The following GALNTL6 variants were observed in gnomAD, a reference collection of about 807,000 sequenced individuals.
The protein encoded by GALNTL6 is polypeptide N-acetylgalactosaminyltransferase-like 6.
In GALNTL6, 46 loss-of-function variants were observed where a neutral mutation model predicts 73.7. The ratio of observed to expected loss-of-function variants is 0.62; its 90% CI spans 0.49 to 0.80. The LOEUF is 0.80. Among genes scored for constraint, GALNTL6 ranks in the 30% least tolerant of loss-of-function variants. The pLI is 0.00. For missense variants in GALNTL6, 604 were observed against 755.0 expected (o/e 0.80, Z 2.34); for synonymous variants, 259 against 263.7 (o/e 0.98, Z 0.17).
chr4:172,393,512 T>G (rs1200842059), intron 5 of GALNTL6, among the ~76,000 whole-genome samples: 1 of 152,220 alleles, frequency 6.6e-6, no homozygotes, highest in Non-Finnish European at 1.5e-5. Flanking sequence ...ACATCACAGG[T>G]GTTCATTAAT....
At chr4:172,612,843 T>C (rs1243802270) in intron 5 of GALNTL6, among the ~76,000 whole-genome samples, 2 of 152,140 alleles carry the variant, frequency 1.3e-5, no homozygotes, top group Admixed American at 6.6e-5. Flanking sequence ...AGCTTCAGCA[T>C]ATTTTGTTTT....
chr4:172,101,321 G>A (rs1317379784), intron 2 of GALNTL6, among the ~76,000 whole-genome samples: 1 of 152,132 alleles, frequency 6.6e-6, no homozygotes, highest in East Asian at 1.9e-4. Context: ...TATAAATTCA[G>A]CTTTTCTCAG....
chr4:172,505,451 C>A (rs1734376561), intron 5 of GALNTL6, among the ~76,000 whole-genome samples: 1 of 55,058 alleles, frequency 1.8e-5, no homozygotes, highest in African/African-American at 4.5e-5. Context: ...AGAAATATTT[C>A]CAGAGATTTC....
chr4:172,495,319 G>A (rs1734035442), intron 5 of GALNTL6, among the ~76,000 whole-genome samples: 2 of 152,150 alleles, frequency 1.3e-5, no homozygotes. Flanking sequence ...TCGCTTGCAG[G>A]GAACTTGGCA....
At chr4:172,515,626 T>C (rs1734578727) in intron 5 of GALNTL6, among the ~76,000 whole-genome samples, 2 of 152,178 alleles carry the variant, frequency 1.3e-5, no homozygotes, top group Non-Finnish European at 2.9e-5. Context: ...GTGATAACAA[T>C]AGAGGCCTCA....
intron 3 of GALNTL6, among the ~76,000 whole-genome samples, chr4:172,270,277 GT>G (rs1255884156): frequency 6.6e-6 from 1 of 151,496 alleles, no homozygotes; most frequent in Non-Finnish European, 1.5e-5. Flanking sequence ...CCAATTGTAT[GT>G]TTTTTTCATT....
At chr4:172,939,627 G>A (rs897949232) in intron 9 of GALNTL6, among the ~76,000 whole-genome samples, 18 of 152,084 alleles carry the variant, frequency 1.2e-4, no homozygotes, top group African/African-American at 4.1e-4. Context: ...AAATAGCATT[G>A]GGCCTTGCCA....
At chr4:172,837,428 G>GA (rs547701893) in intron 7 of GALNTL6, among the ~76,000 whole-genome samples, 2 of 148,034 alleles carry the variant, frequency 1.4e-5, no homozygotes, top group South Asian at 2.1e-4. Flanking sequence ...AAATTCAAAT[G>GA]AAAAAAAAAT....
At chr4:172,219,756 G>A (rs573543487) in intron 2 of GALNTL6, among the ~76,000 whole-genome samples, 1 of 151,792 alleles carries the variant, frequency 6.6e-6, no homozygotes, top group Admixed American at 6.6e-5. Flanking sequence ...TTATCATTTG[G>A]TATTCAAGGA....
chr4:172,300,742 G>A (rs577618587), intron 3 of GALNTL6, among the ~76,000 whole-genome samples: 20 of 152,252 alleles, frequency 1.3e-4, no homozygotes, highest in Non-Finnish European at 2.1e-4. Context: ...GATATCAGCT[G>A]TTAGTCTGAT....
chr4:171,887,098 T>TA (rs1736627624), intron 2 of GALNTL6, among the ~76,000 whole-genome samples: 1 of 152,160 alleles, frequency 6.6e-6, no homozygotes, highest in African/African-American at 2.4e-5. Flanking sequence ...CTGCATCTGG[T>TA]AAGGGCCTTT....
intron 5 of GALNTL6, among the ~76,000 whole-genome samples, chr4:172,434,162 CG>C (rs1731555645): frequency 1.3e-5 from 2 of 151,930 alleles, no homozygotes; most frequent in East Asian, 1.9e-4. Context: ...CATTTTGTGA[CG>C]AAAATATAAT....
Position 172,044,378 on chromosome 4 carries a change from C to T in GALNTL6, c.139-185278C>T, listed in dbSNP as rs529296229. Among the ~76,000 whole-genome samples the T allele has an allele frequency of 5.9e-5, 9 of 151,842 alleles. No homozygotes were observed. The East Asian group carries it at 7.7e-4, about 13-fold the overall frequency. Reference sequence around the variant, plus strand: ...CACTTTAAAGAGAAATTGAAAAATGCGTACTATCATTTGTTTATATTTTTG... The same window carrying T: ...CACTTTAAAGAGAAATTGAAAAATGTGTACTATCATTTGTTTATATTTTTG... On this transcript the variant is annotated intron_variant, in intron 2 of 12. Transcript: ENST00000506823.
chr4:171,921,307 AT>A (rs1271743263), intron 2 of GALNTL6, among the ~76,000 whole-genome samples: 1 of 152,138 alleles, frequency 6.6e-6, no homozygotes, highest in African/African-American at 2.4e-5. Flanking sequence ...TGCTTTTAGG[AT>A]AAAAATACAA....
intron 7 of GALNTL6, among the ~76,000 whole-genome samples, chr4:172,850,469 T>G (rs187718402): frequency 6.6e-6 from 1 of 152,298 alleles, no homozygotes; most frequent in East Asian, 1.9e-4. Flanking sequence ...AAAAACAAAC[T>G]GTTTTTTCTT....
intron 4 of GALNTL6, among the ~76,000 whole-genome samples, chr4:172,335,556 C>T (rs1314259330): frequency 6.6e-6 from 1 of 152,116 alleles, no homozygotes; most frequent in Admixed American, 6.5e-5. Context: ...TAGAATTTGG[C>T]TGTGAATTCT....
intron 7 of GALNTL6, among the ~76,000 whole-genome samples, chr4:172,846,007 T>G (rs1743488070): frequency 6.6e-6 from 1 of 152,226 alleles, no homozygotes; most frequent in East Asian, 1.9e-4. Flanking sequence ...AACAGTGAAG[T>G]TTTTGTAACA....
intron 7 of GALNTL6, among the ~76,000 whole-genome samples, chr4:172,857,701 C>G (rs780272329): frequency 6.6e-5 from 10 of 152,090 alleles, no homozygotes; most frequent in Non-Finnish European, 1.0e-4. Context: ...GTTTTCTAGT[C>G]TTTTTTAAAA....
chr4:172,861,971 G>T (rs1037911171), intron 7 of GALNTL6, among the ~76,000 whole-genome samples: 1 of 152,190 alleles, frequency 6.6e-6, no homozygotes, highest in African/African-American at 2.4e-5. Flanking sequence ...CGATAGAATG[G>T]GGTGCTTCTG....
Sources: allele counts gnomAD v4.1 joint callset (sites outside exome capture counted in the v4.1 genomes callset), GRCh38; gene constraint gnomAD v4.1.1; transcripts MANE v1.5; gene names NCBI Gene and HGNC (gene_info 2026-07-23, HGNC 2026-07-21).